RAD51B: variants seen among roughly 807,000 people sequenced by gnomAD.
RAD51B encodes DNA repair protein RAD51 homolog 2.
In RAD51B, 38 loss-of-function variants were observed where a neutral mutation model predicts 42.2. The ratio of observed to expected loss-of-function variants is 0.90; its 90% CI spans 0.70 to 1.18. RAD51B has a LOEUF of 1.18. Among genes scored for constraint, RAD51B ranks in the 50% most tolerant of loss-of-function variants. The probability of loss-of-function intolerance (pLI) is 0.00; values close to 1 mark genes in which losing one functional copy is unlikely to be tolerated. For synonymous variants in RAD51B, 154 were observed against 145.2 expected (o/e 1.06, Z -0.43); for missense variants, 373 against 400.7 (o/e 0.93, Z 0.59).
intron 9 of RAD51B, among the ~76,000 whole-genome samples, chr14:68,459,381 G>A (rs192229204): frequency 6.6e-6 from 1 of 152,318 alleles, no homozygotes; most frequent in African/African-American, 2.4e-5. Flanking sequence ...GAAAACCCTG[G>A]CATGAAGGAT....
chr14:67,844,446 G>A (rs2041539276), intron 4 of RAD51B, among the ~76,000 whole-genome samples: 1 of 151,656 alleles, frequency 6.6e-6, no homozygotes, highest in African/African-American at 2.4e-5. Flanking sequence ...TGTCAGTGGG[G>A]TGTTGAAGTC....
intron 7 of RAD51B, among the ~76,000 whole-genome samples, chr14:68,030,610 T>C (rs1290296070): frequency 6.6e-6 from 1 of 152,204 alleles, no homozygotes; most frequent in Non-Finnish European, 1.5e-5. Context: ...GCTGGTTTCA[T>C]CCTCTGTCAG....
chr14:67,990,059 G>A (rs1327165569), intron 7 of RAD51B, among the ~76,000 whole-genome samples: 10 of 144,674 alleles, frequency 6.9e-5, no homozygotes, highest in Non-Finnish European at 1.0e-4. Flanking sequence ...GTGCAGTGGC[G>A]CAATCTCGGC....
At chr14:68,042,083 A>G (rs902082268) in intron 7 of RAD51B, among the ~76,000 whole-genome samples, 3 of 152,314 alleles carry the variant, frequency 2.0e-5, no homozygotes, top group Middle Eastern at 3.4e-3. Flanking sequence ...TCAGCATTTC[A>G]TGAGTATACT....
At chr14:68,637,659 G>A (rs1166645874) in intron 10 of RAD51B, among the ~76,000 whole-genome samples, 1 of 152,210 alleles carries the variant, frequency 6.6e-6, no homozygotes, top group Non-Finnish European at 1.5e-5. Flanking sequence ...TGTGGGCCCG[G>A]CAAGGAGACA....
In RAD51B at chr14:68,478,046, T is replaced by G. The variant is rs763612764; in HGVS notation, c.*382T>G. 1.7e-5 allele frequency: 18 copies of G among 1,078,328 alleles called. No homozygotes were observed. Among genetic ancestry groups the G allele is most frequent in the Non-Finnish European group, 2.0e-5 (18 of 888,688 alleles). The allele number at this position is 1,078,328 out of a possible 1,614,324, so 66.8% of individuals were successfully genotyped here. A position where few individuals can be genotyped will look rare whatever the true frequency, so the allele number is the denominator to read the frequency against. ...AGAGGAGGAGGATGACTAACAAGATTTGTAATTACAGGAGGGAACATTTCC... is the reference window on the plus strand; with the variant it reads ...AGAGGAGGAGGATGACTAACAAGATGTGTAATTACAGGAGGGAACATTTCC... On this transcript the variant is annotated 3_prime_UTR_variant, in exon 11 of 11. Transcript: ENST00000471583.
intron 7 of RAD51B, among the ~76,000 whole-genome samples, chr14:68,125,869 T>C (rs926734392): frequency 1.3e-5 from 2 of 152,124 alleles, no homozygotes; most frequent in Non-Finnish European, 2.9e-5. Flanking sequence ...TGTAGCTCCA[T>C]TGAAACTCAT....
chr14:67,987,412 A>G (rs924123908), intron 7 of RAD51B, among the ~76,000 whole-genome samples: 1 of 152,122 alleles, frequency 6.6e-6, no homozygotes, highest in East Asian at 1.9e-4. Flanking sequence ...TTTGATTTTA[A>G]TGGTTAGTAC....
Position 68,165,090 on chromosome 14 carries a change from A to G in RAD51B, c.757-126794A>G, listed in dbSNP as rs771369314. On this transcript the variant is annotated intron_variant, in intron 7 of 10. Coordinates refer to ENST00000471583, the MANE Select transcript of RAD51B (RefSeq NM_133510.4). The stretch of plus-strand genomic sequence containing the variant: ...GGTTAAGTGTTACCTTTGGAGTTGA[A>G]CTCAGTGCCATATAAATAGCATTAA... Among the ~76,000 whole-genome samples, 56 of 152,182 alleles carry G rather than the reference A, an allele frequency of 3.7e-4. 1 individual carries two copies. Among genetic ancestry groups the G allele is most frequent in the Admixed American group, 1.3e-4 (2 of 15,288 alleles).
chr14:68,345,358 T>G (rs2082657117), intron 8 of RAD51B, among the ~76,000 whole-genome samples: 1 of 152,180 alleles, frequency 6.6e-6, no homozygotes, highest in South Asian at 2.1e-4. Context: ...GAGGTGGGGC[T>G]TGGTGGAAGG....
intron 7 of RAD51B, among the ~76,000 whole-genome samples, chr14:67,927,096 T>C (rs1454190024): frequency 2.6e-5 from 4 of 152,274 alleles, no homozygotes; most frequent in Admixed American, 1.3e-4. Flanking sequence ...TTCATATCCA[T>C]GAATGTATTT....
intron 7 of RAD51B, among the ~76,000 whole-genome samples, chr14:67,922,311 T>G (rs1458774146): frequency 6.6e-6 from 1 of 152,238 alleles, no homozygotes; most frequent in African/African-American, 2.4e-5. Context: ...AGATTTGGGC[T>G]TTATTGCCTC....
chr14:68,564,819 G>A (rs759847016), intron 10 of RAD51B, among the ~76,000 whole-genome samples: 7 of 152,168 alleles, frequency 4.6e-5, no homozygotes, highest in South Asian at 2.1e-4. Flanking sequence ...GAGCCGGGTC[G>A]CAGAGACACA....
intron 7 of RAD51B, among the ~76,000 whole-genome samples, chr14:67,893,907 C>T (rs1020271407): frequency 4.6e-5 from 7 of 152,166 alleles, no homozygotes; most frequent in Non-Finnish European, 1.0e-4. Context: ...CCTCTTGGCT[C>T]CGCTTTCGAA....
At chr14:68,334,634 A>T (rs1421117182) in intron 8 of RAD51B, among the ~76,000 whole-genome samples, 1 of 152,062 alleles carries the variant, frequency 6.6e-6, no homozygotes, top group Non-Finnish European at 1.5e-5. Context: ...CATATAGGCC[A>T]CATTTTTTTT....
intron 7 of RAD51B, among the ~76,000 whole-genome samples, chr14:67,889,294 G>GA (rs2062687046): frequency 6.7e-6 from 1 of 148,844 alleles, no homozygotes; most frequent in Admixed American, 6.7e-5. Flanking sequence ...CATTTAAATG[G>GA]AAAATCTCTC....
chr14:68,224,423 G>A (rs145098497), intron 7 of RAD51B, among the ~76,000 whole-genome samples: 3 of 152,028 alleles, frequency 2.0e-5, no homozygotes, highest in African/African-American at 7.2e-5. Context: ...GATTACTTCT[G>A]CTTGGCATAT....
At chr14:68,179,462 T>C (rs1165284001) in intron 7 of RAD51B, among the ~76,000 whole-genome samples, 1 of 152,204 alleles carries the variant, frequency 6.6e-6, no homozygotes, top group African/African-American at 2.4e-5. Context: ...TGTTGTTTTA[T>C]TTCGGAGCTA....
chr14:68,031,561 C>G (rs1330863760), intron 7 of RAD51B, among the ~76,000 whole-genome samples: 1 of 152,098 alleles, frequency 6.6e-6, no homozygotes, highest in Non-Finnish European at 1.5e-5. Flanking sequence ...AGTGTTGCCA[C>G]AAACCTTCAA....
Sources: gnomAD v4.1 joint callset for allele counts (sites outside exome capture counted in the v4.1 genomes callset) on GRCh38, gnomAD v4.1.1 for gene constraint, MANE v1.5 for transcripts, NCBI Gene and HGNC (gene_info 2026-07-23, HGNC 2026-07-21) for gene names.